The following G3BP1 variants were observed in gnomAD, a reference collection of about 807,000 sequenced individuals.
G3BP1 encodes the protein ras GTPase-activating protein-binding protein 1.
G3BP1 carries 35 observed loss-of-function variants against 58.6 expected under a neutral mutation model. That is an observed-to-expected ratio of 0.60 (90% CI 0.46 to 0.79). G3BP1 has a LOEUF of 0.79. G3BP1 is among the 30% of genes least tolerant of loss of function. The pLI is 0.00. For synonymous variants in G3BP1, 191 were observed against 195.4 expected, an observed-to-expected ratio of 0.98 and a Z score of 0.19; for missense variants, 523 against 580.8, an observed-to-expected ratio of 0.90 and a Z score of 1.02.
At chr5:151,800,972 A>C in intron 11 of G3BP1, 103 bp downstream of exon 11, 2 of 609,064 alleles carry the variant, frequency 3.3e-6, no homozygotes, top group Non-Finnish European at 5.9e-6. Context: ...AGTGCAGTTT[A>C]TTCCAACATG....
chr5:151,788,615 T>TGTGTGTGTGTGTGTGTG (rs1276643889), intron 2 of G3BP1, among the ~76,000 whole-genome samples: 15 of 147,334 alleles, frequency 1.0e-4, no homozygotes, highest in Admixed American at 7.4e-4. Flanking sequence ...TGTGTGTGTA[T>TGTGTGTGTGTGTGTGTG]TATTTATTTA....
intron 1 of G3BP1, among the ~76,000 whole-genome samples, chr5:151,786,150 A>T (rs989114638): frequency 6.6e-5 from 10 of 152,208 alleles, no homozygotes; most frequent in African/African-American, 9.7e-5. Flanking sequence ...TTAGCCGGGC[A>T]TGATGGCGCT....
intron 7 of G3BP1, among the ~76,000 whole-genome samples, chr5:151,798,453 A>C (rs1364459800): frequency 6.6e-6 from 1 of 152,220 alleles, no homozygotes; most frequent in Non-Finnish European, 1.5e-5. Context: ...GATGGCTTGA[A>C]TTAGAGTTGT....
chr5:151,807,112 A>G lies in G3BP1; in HGVS notation c.*3021A>G, dbSNP rs538669232. ...AGATATTGCTAGGGACCAGTGAGAT[A>G]GATAATCCAAAAATAATAATTTGAC... On this transcript the variant is annotated 3_prime_UTR_variant, in exon 12 of 12. Coordinates refer to ENST00000356245, the MANE Select transcript of G3BP1 (RefSeq NM_005754.3). The G allele has an allele frequency of 7.9e-5, 12 of 152,324 alleles. No individual in the cohort carries two copies. In the East Asian group the frequency reaches 2.3e-3, roughly 29 times the overall value. The allele number at this position is 152,324 out of a possible 1,614,324, so 9.4% of individuals were successfully genotyped here.
At chr5:151,780,570 G>T (rs780607117) in intron 1 of G3BP1, among the ~76,000 whole-genome samples, 2 of 152,106 alleles carry the variant, frequency 1.3e-5, no homozygotes, top group Admixed American at 1.3e-4. Flanking sequence ...GAGTGCGGTG[G>T]TGCGATCTTG....
intron 4 of G3BP1, among the ~76,000 whole-genome samples, chr5:151,793,667 T>C (rs1762697736): frequency 6.6e-6 from 1 of 152,032 alleles, no homozygotes; most frequent in South Asian, 2.1e-4. Flanking sequence ...ATCCCTAACC[T>C]TATAAGTTGT....
At chr5:151,793,194 C>T (rs1435545853) in intron 4 of G3BP1, among the ~76,000 whole-genome samples, 5 of 152,090 alleles carry the variant, frequency 3.3e-5, no homozygotes, top group Admixed American at 1.3e-4. Flanking sequence ...CTGCACCCTC[C>T]ACCTCCCGGG....
At position 151,799,102 on chromosome 5, in the gene G3BP1, G is replaced by T. The variant is rs73281668; in HGVS notation, c.742-110G>T. 5.7e-3 allele frequency: 3,929 copies of T among 684,882 alleles called. 108 individuals are homozygous for T. The African/African-American group carries it at 0.064, about 11-fold the overall frequency. The allele number at this position is 684,882 out of a possible 1,614,324, so 42.4% of individuals were successfully genotyped here. A position where few individuals can be genotyped will look rare whatever the true frequency, so the allele number is the denominator to read the frequency against. The stretch of plus-strand genomic sequence containing the variant: ...AATATATATATATAAACTCCATCCT[G>T]CCTATGAGAATGTGTTACCGTTTGT... On this transcript the variant is annotated intron_variant, in intron 7 of 11. Transcript: ENST00000356245.
In G3BP1 at chr5:151,794,259, G is replaced by A. The variant is rs992668446; in HGVS notation, c.442+10G>A. 6.6e-7 allele frequency: 1 copy of A among 1,505,560 alleles called. No individual in the cohort carries two copies. Among genetic ancestry groups the A allele is most frequent in the Non-Finnish European group, 9.2e-7 (1 of 1,081,462 alleles). 93.3% of individuals were successfully genotyped at this position (1,505,560 alleles called of 1,614,324 possible). A position where few individuals can be genotyped will look rare whatever the true frequency, so the allele number is the denominator to read the frequency against. ...ACTGAGCCTCAGGAGGGTAAGTAGT[G>A]AAATACTTTAAATTACTTGTCTAAA... is the stretch of plus-strand genomic sequence containing the variant. On this transcript the variant is annotated intron_variant, in intron 5 of 11. Transcript: ENST00000356245.
At position 151,790,356 on chromosome 5, in the gene G3BP1, G is replaced by T; in HGVS notation, c.129G>T (p.Gly43=). The T allele has an allele frequency of 6.3e-7, 1 of 1,583,446 alleles. No homozygotes were observed. The highest frequency in any genetic ancestry group is 8.6e-7 in the Non-Finnish European group (1 of 1,164,302). The change falls in exon 3 of 12, where the codon GGG becomes GGT. Residue 43 remains glycine, a synonymous_variant. Coordinates refer to ENST00000356245, the MANE Select transcript of G3BP1 (RefSeq NM_005754.3). ...GAAAGAACTCTTCTTATGTCCATGG[G>T]GGATTGGATTCAAATGGAAAGCCAG... The part of the protein sequence containing the change: ...FYGKNSSYVH[G]GLDSNGKPAD...
intron 5 of G3BP1, among the ~76,000 whole-genome samples, chr5:151,794,753 A>G (rs1762722040): frequency 6.6e-6 from 1 of 152,254 alleles, no homozygotes; most frequent in African/African-American, 2.4e-5. Flanking sequence ...ACAGAGACTT[A>G]TGGAAAATTT....
Position 151,806,185 on chromosome 5 carries a change from C to G in G3BP1, c.*2094C>G, listed in dbSNP as rs1178327036. Reference sequence around the variant, plus strand: ...TCCCTATTCCTGTGGGTGGGTGGAGCTGTGGGATTAGGAAAACTGGAATGA... The same window carrying G: ...TCCCTATTCCTGTGGGTGGGTGGAGGTGTGGGATTAGGAAAACTGGAATGA... On this transcript the variant is annotated 3_prime_UTR_variant, in exon 12 of 12. Coordinates refer to ENST00000356245, the MANE Select transcript of G3BP1 (RefSeq NM_005754.3). 6.6e-6 allele frequency: 1 copy of G among 152,084 alleles called. No individual in the cohort carries two copies. The highest frequency in any genetic ancestry group is 2.4e-5 in the African/African-American group (1 of 41,394). The allele number at this position is 152,084 out of a possible 1,614,324, so 9.4% of individuals were successfully genotyped here.
rs761626813 is a variant in G3BP1 at position 151,800,845 on chromosome 5, T to G, written c.1170T>G (p.Pro390=). ...TTGTTGTGTTTGATGATTCTGAGCC[T>G]GTTCAGAAAGTCCTTAGCAACAGGG... ...FGFVVFDDSE[P]VQKVLSNRPI... Residue 390 remains proline (P), a synonymous_variant, in exon 11 of 12, where the codon CCT becomes CCG. Coordinates refer to ENST00000356245, the MANE Select transcript of G3BP1 (RefSeq NM_005754.3). The G allele has an allele frequency of 1.0e-5, 16 of 1,600,244 alleles. No individual in the cohort carries two copies. In the Admixed American group the frequency reaches 1.2e-4, roughly 12 times the overall value.
chr5:151,775,439 G>T (rs181423371), intron 1 of G3BP1, among the ~76,000 whole-genome samples: 1 of 152,370 alleles, frequency 6.6e-6, no homozygotes, highest in South Asian at 2.1e-4. Flanking sequence ...AAACCGAATT[G>T]TCAAAACTAT....
In G3BP1 at chr5:151,806,942, TAGATA is replaced by T. The variant is rs1762946397; in HGVS notation, c.*2856_*2860del. On this transcript the variant is annotated 3_prime_UTR_variant, in exon 12 of 12. Transcript: ENST00000356245. Reference sequence around the variant, plus strand: ...CACCTGGCCTCATGAGTATTTTAGTTAGATAAGATTTGTTTGGTTCAGTGGGTCTT... The same window carrying T: ...CACCTGGCCTCATGAGTATTTTAGTTAGATTTGTTTGGTTCAGTGGGTCTT... The T allele has an allele frequency of 6.6e-6, 1 of 152,120 alleles. No individual in the cohort carries two copies. The highest frequency in any genetic ancestry group is 1.5e-5 in the Non-Finnish European group (1 of 68,008). The allele number at this position is 152,120 out of a possible 1,614,324, so 9.4% of individuals were successfully genotyped here.
At position 151,802,972 on chromosome 5, in the gene G3BP1, C is replaced by T. The variant is rs1016473416; in HGVS notation, c.1195-913C>T. ...TAAATAAATTTGAATAGAACACTTCCGCGACACATAGTAAGTACTCTTAGA... is the reference window on the plus strand; with the variant it reads ...TAAATAAATTTGAATAGAACACTTCTGCGACACATAGTAAGTACTCTTAGA... On this transcript the variant is annotated intron_variant, in intron 11 of 11. Coordinates refer to ENST00000356245, the MANE Select transcript of G3BP1 (RefSeq NM_005754.3). Among the ~76,000 whole-genome samples, 5 of 151,872 alleles carry T rather than the reference C, an allele frequency of 3.3e-5. No homozygotes were observed. In the East Asian group the frequency reaches 5.8e-4, roughly 18 times the overall value.
rs1023195381 is a variant in G3BP1, at chr5:151,808,995, A to G, written c.*4904A>G. 3 of 152,366 alleles carry G rather than the reference A, an allele frequency of 2.0e-5. No individual in the cohort carries two copies. The highest frequency in any genetic ancestry group is 4.4e-5 in the Non-Finnish European group (3 of 68,206). The allele number at this position is 152,366 out of a possible 1,614,324, so 9.4% of individuals were successfully genotyped here. On this transcript the variant is annotated 3_prime_UTR_variant, in exon 12 of 12. Coordinates refer to ENST00000356245, the MANE Select transcript of G3BP1 (RefSeq NM_005754.3). ...AATTTGAGACCAGCTTGGGCAACAT[A>G]GCAAGACCCTGTCTCTACAGATAAT...
At chr5:151,785,846 G>GT (rs1412825136) in intron 1 of G3BP1, among the ~76,000 whole-genome samples, 5 of 152,184 alleles carry the variant, frequency 3.3e-5, no homozygotes, top group Admixed American at 3.3e-4. Flanking sequence ...TATACTAAAA[G>GT]TTTATCTGAT....
Position 151,803,882 on chromosome 5 carries a change from C to T in G3BP1, c.1195-3C>T, listed in dbSNP as rs1561538597. The T allele has an allele frequency of 8.1e-6, 13 of 1,605,212 alleles. No homozygotes were observed. Among genetic ancestry groups the T allele is most frequent in the Non-Finnish European group, 1.1e-5 (13 of 1,172,358 alleles). On this transcript the variant is annotated splice_polypyrimidine_tract_variant and splice_region_variant and intron_variant, in intron 11 of 11. Coordinates refer to ENST00000356245, the MANE Select transcript of G3BP1 (RefSeq NM_005754.3). Reference sequence around the variant, plus strand: ...TTAAGTCTGGTCACCTTGATTCTTACAGCCCATCATGTTCAGAGGTGAGGT... The same window carrying T: ...TTAAGTCTGGTCACCTTGATTCTTATAGCCCATCATGTTCAGAGGTGAGGT...
Sources: allele counts gnomAD v4.1 joint callset (sites outside exome capture counted in the v4.1 genomes callset), GRCh38; gene constraint gnomAD v4.1.1; transcripts MANE v1.5; gene names NCBI Gene and HGNC (gene_info 2026-07-23, HGNC 2026-07-21).